PLCE1: variants seen among roughly 807,000 people sequenced by gnomAD.
PLCE1 encodes phospholipase C epsilon 1, also known as 1-phosphatidylinositol 4,5-bisphosphate phosphodiesterase epsilon-1.
Under a neutral mutation model 242.8 loss-of-function variants are expected in PLCE1, and 119 were observed. The observed-to-expected ratio is 0.49, with a 90% CI of 0.42 to 0.57. PLCE1 has a LOEUF of 0.57. Ranked by LOEUF, PLCE1 falls within the 20% of genes least tolerant of loss-of-function variation. PLCE1 has a pLI of 0.00. For synonymous variants in PLCE1, 945 were observed against 1,017.4 expected, an observed-to-expected ratio of 0.93 and a Z score of 1.35; for missense variants, 2,441 against 2,788.8, an observed-to-expected ratio of 0.88 and a Z score of 2.81.
intron 2 of PLCE1, among the ~76,000 whole-genome samples, chr10:94,116,136 A>G (rs1341942069): frequency 6.6e-6 from 1 of 151,562 alleles, no homozygotes; most frequent in African/African-American, 2.4e-5. Flanking sequence ...TCAAAATTCT[A>G]TCTTTCTGTC....
In PLCE1 at chr10:94,254,180, G is replaced by C. The variant is rs1193216798; in HGVS notation, c.3280-10G>C. ...CAGGCTTGGAACCATCGTGAGCTTT[G>C]TGTTCCCAGGGTGAGAGTGGAGAGG... On this transcript the variant is annotated splice_polypyrimidine_tract_variant and intron_variant, in intron 9 of 32. Transcript: ENST00000371380. The C allele has an allele frequency of 1.3e-6, 2 of 1,588,668 alleles. No individual in the cohort carries two copies. Among genetic ancestry groups the C allele is most frequent in the Middle Eastern group, 1.7e-4 (1 of 6,024 alleles).
At chr10:94,187,179 T>TGTGTGTGC (rs1423525783) in intron 4 of PLCE1, among the ~76,000 whole-genome samples, 3 of 148,994 alleles carry the variant, frequency 2.0e-5, no homozygotes, top group Non-Finnish European at 3.0e-5. Flanking sequence ...TGTGTGTGTG[T>TGTGTGTGC]GTGCGTGCAC....
chr10:94,128,224 G>A (rs2046493123), intron 2 of PLCE1, among the ~76,000 whole-genome samples: 1 of 152,162 alleles, frequency 6.6e-6, no homozygotes, highest in Non-Finnish European at 1.5e-5. Context: ...CTGACCTTGT[G>A]ATCCACCCAC....
At chr10:94,206,246 C>A (rs2049155147) in intron 4 of PLCE1, among the ~76,000 whole-genome samples, 1 of 152,048 alleles carries the variant, frequency 6.6e-6, no homozygotes, top group South Asian at 2.1e-4. Flanking sequence ...TAGAGGGAAC[C>A]ATAAGTGCCA....
At chr10:94,126,136 A>C (rs2046429198) in intron 2 of PLCE1, among the ~76,000 whole-genome samples, 1 of 152,208 alleles carries the variant, frequency 6.6e-6, no homozygotes, top group South Asian at 2.1e-4. Flanking sequence ...AGTGTTATCT[A>C]AGCATTGCTT....
chr10:94,053,807 G>A (rs1044236269), intron 2 of PLCE1, among the ~76,000 whole-genome samples: 2 of 152,208 alleles, frequency 1.3e-5, no homozygotes, highest in Non-Finnish European at 2.9e-5. Context: ...CCTTCCAGTC[G>A]CTGAATGAAG....
At chr10:94,316,407 G>C in intron 28 of PLCE1, 140 bp from the exon 29 acceptor site, 1 of 650,464 alleles carries the variant, frequency 1.5e-6, no homozygotes, top group Non-Finnish European at 2.8e-6. Flanking sequence ...AGAATTCTTA[G>C]ATCTTCCAAA....
chr10:94,198,064 A>AC (rs2048880021), intron 4 of PLCE1, among the ~76,000 whole-genome samples: 2 of 126,596 alleles, frequency 1.6e-5, no homozygotes, highest in South Asian at 4.8e-4. Flanking sequence ...CTGATGAACC[A>AC]CCCCCCACCA....
At chr10:94,183,019 A>G (rs1187563993) in intron 4 of PLCE1, among the ~76,000 whole-genome samples, 2 of 152,246 alleles carry the variant, frequency 1.3e-5, no homozygotes, top group Non-Finnish European at 2.9e-5. Context: ...GGCCTTTGCC[A>G]TCAGATCACT....
At chr10:94,068,306 T>G (rs1193294146) in intron 2 of PLCE1, among the ~76,000 whole-genome samples, 1 of 152,186 alleles carries the variant, frequency 6.6e-6, no homozygotes, top group Non-Finnish European at 1.5e-5. Context: ...TCCACGCTTC[T>G]CCACCATTGT....
chr10:94,317,696 A>G (rs1032133474), intron 29 of PLCE1, among the ~76,000 whole-genome samples: 12 of 152,212 alleles, frequency 7.9e-5, no homozygotes, highest in Admixed American at 2.6e-4. Flanking sequence ...GTTGACTCCA[A>G]ACTGATTGGC....
intron 18 of PLCE1, among the ~76,000 whole-genome samples, chr10:94,272,136 G>A (rs1180369556): frequency 2.0e-5 from 3 of 152,160 alleles, no homozygotes; most frequent in African/African-American, 7.2e-5. Context: ...ATTTACCAGG[G>A]CTGGGGTTTC....
At chr10:94,089,324 A>G (rs753876934) in intron 2 of PLCE1, 12 of 1,613,572 alleles carry the variant, frequency 7.4e-6, no homozygotes, top group African/African-American at 1.3e-5. Flanking sequence ...GAGGTACCCA[A>G]TTTTACCTTG....
chr10:94,103,668 A>G (rs2045622148), intron 2 of PLCE1, among the ~76,000 whole-genome samples: 1 of 152,218 alleles, frequency 6.6e-6, no homozygotes. Flanking sequence ...GGAAGAAAGA[A>G]ATTTGCTGTA....
At chr10:94,307,130 T>A (rs1165104404) in intron 26 of PLCE1, among the ~76,000 whole-genome samples, 1 of 152,168 alleles carries the variant, frequency 6.6e-6, no homozygotes, top group African/African-American at 2.4e-5. Context: ...AAGAGGGGAA[T>A]GGAGAATTCT....
intron 4 of PLCE1, among the ~76,000 whole-genome samples, chr10:94,219,900 C>T (rs2049665500): frequency 6.6e-6 from 1 of 152,036 alleles, no homozygotes; most frequent in Non-Finnish European, 1.5e-5. Context: ...GGGAGATAAT[C>T]TGAGCTGTGT....
chr10:94,269,624 G>A (rs913843675), intron 17 of PLCE1, among the ~76,000 whole-genome samples: 1 of 152,108 alleles, frequency 6.6e-6, no homozygotes, highest in African/African-American at 2.4e-5. Context: ...TAATATTGTT[G>A]CAATTTTTAC....
rs1055957017 is a variant in PLCE1 at position 94,293,562 on chromosome 10, G to A, written c.5090G>A (p.Arg1697Lys). 3.1e-6 allele frequency: 5 copies of A among 1,613,918 alleles called. No homozygotes were observed. The highest frequency in any genetic ancestry group is 4.2e-6 in the Non-Finnish European group (5 of 1,179,862). The change falls in exon 23 of 33, where the codon AGG becomes AAG. Residue 1697 changes from arginine (R) to lysine (K), a missense_variant. Physicochemically the swap from Arg to Lys is conservative, Grantham distance 26. Coordinates refer to ENST00000371380, the MANE Select transcript of PLCE1 (RefSeq NM_016341.4). ...AGCAGAGGAAAAGAAAGGAAAAGCA[G>A]GAAGTCCATTTTTGGCAACAATCCG... ...GSSRGKERKS[R>K]KSIFGNNPGR... is the part of the protein sequence containing the mutation.
chr10:93,998,000 C>T (rs926440457), intron 1 of PLCE1, among the ~76,000 whole-genome samples: 4 of 152,122 alleles, frequency 2.6e-5, no homozygotes, highest in African/African-American at 7.2e-5. Context: ...CTGTTACAGG[C>T]GAGGGCCATT....
Sources: allele counts gnomAD v4.1 joint callset (sites outside exome capture counted in the v4.1 genomes callset), GRCh38; gene constraint gnomAD v4.1.1; transcripts MANE v1.5; gene names NCBI Gene and HGNC (gene_info 2026-07-23, HGNC 2026-07-21).